Variants in DRC3 observed in about 807,000 individuals in gnomAD.
DRC3 encodes leucine rich repeat containing 48.
Under a neutral mutation model 57.6 loss-of-function variants are expected in DRC3, and 45 were observed. That is an observed-to-expected ratio of 0.78 (90% confidence interval 0.62 to 1.00). The LOEUF is 1.00. Among genes scored for constraint, DRC3 ranks in the 50% least tolerant of loss-of-function variants. The pLI is 0.00. For synonymous variants in DRC3, 257 were observed against 272.3 expected (o/e 0.94, Z 0.55); for missense variants, 655 against 675.2 (o/e 0.97, Z 0.33).
chr17:17,992,000 C>T (rs572130193), intron 5 of DRC3, among the ~76,000 whole-genome samples: 17 of 152,000 alleles, frequency 1.1e-4, no homozygotes, highest in South Asian at 4.2e-4. Flanking sequence ...TAGGGCCGGG[C>T]GCGGTGGCTC....
chr17:17,999,517 G>T (rs1294113125), intron 9 of DRC3, among the ~76,000 whole-genome samples: 1 of 152,048 alleles, frequency 6.6e-6, no homozygotes, highest in Admixed American at 6.6e-5. Flanking sequence ...TCTCCTATAG[G>T]TTTTCCTACG....
At chr17:18,014,680 C>T (rs2044291387) in intron 12 of DRC3, among the ~76,000 whole-genome samples, 1 of 152,198 alleles carries the variant, frequency 6.6e-6, no homozygotes, top group South Asian at 2.1e-4. Context: ...TGGCTTAGAG[C>T]TCCACTATGA....
chr17:17,995,060 CAG>C lies in DRC3; in HGVS notation c.776_777del (p.Glu259GlyfsTer12), dbSNP rs1218449402. 1.3e-5 allele frequency: 21 copies of C among 1,613,832 alleles called. No homozygotes were observed. Among genetic ancestry groups the C allele is most frequent in the Non-Finnish European group, 1.8e-5 (21 of 1,179,856 alleles). On this transcript the variant is annotated frameshift_variant, in exon 8 of 14. Transcript: ENST00000399187. LOFTEE classifies it high-confidence loss of function. ...TTTGACAGCATGTACGCTGAGGACT[CAG>C]AGGGCAACAATCTGTCCTACCTGCC... is the stretch of plus-strand genomic sequence containing the variant.
chr17:17,993,002 C>A, intron 6 of DRC3, 91 bp downstream of exon 6: 1 of 1,391,834 alleles, frequency 7.2e-7, no homozygotes. Context: ...AGAGTAGCTT[C>A]CCCTGCCCAC....
intron 8 of DRC3, 139 bp from the exon 9 acceptor site, chr17:17,997,321 C>A: frequency 1.4e-6 from 1 of 734,578 alleles, no homozygotes; most frequent in Non-Finnish European, 2.1e-6. Context: ...ACCAAATGAA[C>A]CAAATGAGAC....
rs549538115 is a variant in DRC3, at chr17:18,001,375, T to C, written c.1000-2988T>C. Among the ~76,000 whole-genome samples, 38 of 152,074 alleles carry C rather than the reference T, an allele frequency of 2.5e-4. 1 individual carries two copies. Among genetic ancestry groups the C allele is most frequent in the African/African-American group, 8.9e-4 (37 of 41,482 alleles). On this transcript the variant is annotated intron_variant, in intron 9 of 13. Coordinates refer to ENST00000399187, the MANE Select transcript of DRC3 (RefSeq NM_031294.4). Reference sequence around the variant, plus strand: ...AAAAGTTAGCCAGGGTGGTGATGCATGCCTGTAATCCCAGCTACTTGGGAG... The same window carrying C: ...AAAAGTTAGCCAGGGTGGTGATGCACGCCTGTAATCCCAGCTACTTGGGAG...
intron 11 of DRC3, 160 bp from the exon 12 acceptor site, chr17:18,006,864 C>T (rs1006731104): frequency 3.5e-6 from 4 of 1,144,380 alleles, no homozygotes; most frequent in Non-Finnish European, 4.9e-6. Context: ...GGCAGGGAGT[C>T]GAGGAAGGCC....
chr17:18,016,490 C>A, intron 13 of DRC3, 68 bp from the exon 14 acceptor site: 1 of 1,188,864 alleles, frequency 8.4e-7, no homozygotes, highest in Non-Finnish European at 1.2e-6. Flanking sequence ...TTCCCTCAAA[C>A]TGGATTCAGT....
intron 2 of DRC3, among the ~76,000 whole-genome samples, chr17:17,975,314 C>T (rs1177682916): frequency 6.6e-6 from 1 of 151,172 alleles, no homozygotes; most frequent in East Asian, 1.9e-4. Context: ...CTGGTTCAAG[C>T]GATTCTCCTG....
intron 10 of DRC3, 43 bp from the exon 11 acceptor site, chr17:18,006,140 A>G (rs772484790): frequency 1.4e-6 from 2 of 1,439,674 alleles, no homozygotes; most frequent in Non-Finnish European, 1.9e-6. Context: ...TCTGTGCTGG[A>G]CATCTAAATA....
chr17:18,007,700 G>T, intron 12 of DRC3: 1 of 1,288,250 alleles, frequency 7.8e-7, no homozygotes, highest in Non-Finnish European at 9.9e-7. Flanking sequence ...TGGGTCCCGC[G>T]GCAGCATGTC....
At chr17:17,977,839 C>A in intron 3 of DRC3, 81 bp downstream of exon 3, 1 of 1,439,142 alleles carries the variant, frequency 6.9e-7, no homozygotes, top group Non-Finnish European at 9.3e-7. Flanking sequence ...CCCCAGGATT[C>A]CATGCAAAGT....
rs900962464 is a variant in DRC3 at position 18,004,672 on chromosome 17, A to G, written c.1131+178A>G. On this transcript the variant is annotated intron_variant, in intron 10 of 13. Transcript: ENST00000399187. ...TGCTTTTATTACATTTTAATCATTTACATTGGAAGTGATTCTTGTGGAAAA... is the reference window on the plus strand; with the variant it reads ...TGCTTTTATTACATTTTAATCATTTGCATTGGAAGTGATTCTTGTGGAAAA... 6.4e-6 allele frequency: 4 copies of G among 627,162 alleles called. No individual in the cohort carries two copies. In the African/African-American group the frequency reaches 7.4e-5, roughly 12 times the overall value. The allele number at this position is 627,162 out of a possible 1,614,324, so 38.8% of individuals were successfully genotyped here. A position where few individuals can be genotyped will look rare whatever the true frequency, so the allele number is the denominator to read the frequency against.
chr17:17,975,972 C>G (rs1432830715), intron 2 of DRC3, among the ~76,000 whole-genome samples: 1 of 152,110 alleles, frequency 6.6e-6, no homozygotes, highest in Non-Finnish European at 1.5e-5. Flanking sequence ...AGGGAAGTCT[C>G]TAAGACCAGG....
At chr17:17,997,099 C>T (rs766446486) in intron 8 of DRC3, among the ~76,000 whole-genome samples, 10 of 152,186 alleles carry the variant, frequency 6.6e-5, no homozygotes, top group African/African-American at 2.4e-4. Context: ...CAGCTGGGAC[C>T]GGCTCGCAGG....
Position 17,977,641 on chromosome 17 carries a change from G to A in DRC3, c.43G>A (p.Asp15Asn), listed in dbSNP as rs267604763. Residue 15 changes from aspartate to asparagine, a missense_variant, in exon 3 of 14, where the codon GAT becomes AAT. Transcript: ENST00000399187. ...CNSMEPRVMD[D>N]DMLKLAVGDQ... ...CTCGATGGAGCCGAGGGTGATGGAC[G>A]ATGACATGCTCAAGCTGGCCGTCGG... The A allele has an allele frequency of 3.1e-6, 5 of 1,613,982 alleles. No individual in the cohort carries two copies. Among genetic ancestry groups the A allele is most frequent in the Non-Finnish European group, 2.5e-6 (3 of 1,179,876 alleles).
At position 18,016,637 on chromosome 17, in the gene DRC3, T is replaced by C; in HGVS notation, c.1538T>C (p.Leu513Pro). The C allele has an allele frequency of 6.2e-7, 1 of 1,613,562 alleles. No homozygotes were observed. The highest frequency in any genetic ancestry group is 8.5e-7 in the Non-Finnish European group (1 of 1,179,626). ...TACATCGACCACATGCAGAGCGAAC[T>C]GGACAACCTGGAATGTGGCGACATC... ...NQYIDHMQSELDNLECGDILD is the reference protein window; with the variant it reads ...NQYIDHMQSEPDNLECGDILD Residue 513 changes from leucine (L) to proline (P), a missense_variant, in exon 14 of 14, where the codon CTG becomes CCG. Coordinates refer to ENST00000399187, the MANE Select transcript of DRC3 (RefSeq NM_031294.4).
At chr17:17,979,512 T>C (rs2042551462) in intron 3 of DRC3, among the ~76,000 whole-genome samples, 1 of 152,160 alleles carries the variant, frequency 6.6e-6, no homozygotes, top group South Asian at 2.1e-4. Context: ...TTTAGTGTCT[T>C]TGTTGAAGAT....
chr17:18,002,359 A>G (rs1257586312), intron 9 of DRC3, among the ~76,000 whole-genome samples: 3 of 152,112 alleles, frequency 2.0e-5, no homozygotes, highest in Non-Finnish European at 4.4e-5. Context: ...ATCCTCCTTC[A>G]TGACTAATAC....
Sources: gnomAD v4.1 joint callset for allele counts (sites outside exome capture counted in the v4.1 genomes callset) on GRCh38, gnomAD v4.1.1 for gene constraint, MANE v1.5 for transcripts, NCBI Gene and HGNC (gene_info 2026-07-23, HGNC 2026-07-21) for gene names.